CEACAM19: variants seen among roughly 807,000 people sequenced by gnomAD.
The protein encoded by CEACAM19 is cell adhesion molecule CEACAM19.
CEACAM19 carries 37 observed loss-of-function variants against 37.6 expected under a neutral mutation model. The observed-to-expected ratio is 0.98, with a 90% CI of 0.76 to 1.29. The LOEUF (loss-of-function observed/expected upper bound fraction) is 1.29. Among genes scored for constraint, CEACAM19 ranks in the 50% most tolerant of loss-of-function variants. The pLI, the probability that CEACAM19 is intolerant of heterozygous loss-of-function variation, is 0.00. For synonymous variants in CEACAM19, 140 were observed against 149.8 expected (o/e 0.93, Z 0.48); for missense variants, 340 against 375.6 (o/e 0.91, Z 0.78).
At chr19:44,679,403 G>A (rs566744929) in intron 4 of CEACAM19, among the ~76,000 whole-genome samples, 8 of 152,252 alleles carry the variant, frequency 5.3e-5, no homozygotes, top group Admixed American at 4.6e-4. Context: ...TCAGGAGTTC[G>A]AGACCAACCT....
upstream of CEACAM19, among the ~76,000 whole-genome samples, chr19:44,668,737 T>TATATA (rs776285443): frequency 4.1e-4 from 30 of 73,210 alleles, 1 homozygote; most frequent in East Asian, 2.8e-3. Context: ...ATAAATATAA[T>TATATA]ATATAATATA....
Position 44,672,720 on chromosome 19 carries a change from C to G in CEACAM19, c.180C>G (p.Phe60Leu), listed in dbSNP as rs780842430. 10 of 1,583,856 alleles carry G rather than the reference C, an allele frequency of 6.3e-6. No individual in the cohort carries two copies. Among genetic ancestry groups the G allele is most frequent in the Middle Eastern group, 1.7e-4 (1 of 5,992 alleles). Residue 60 changes from phenylalanine to leucine, a missense_variant, in exon 2 of 8, where the codon TTC (phenylalanine) becomes TTG (leucine). Phe to Leu is a conservative substitution (Grantham distance 22). Transcript: ENST00000358777. ...LLSVQGVPDT[F>L]QDFNWYLGEE... ...CAGTCCAGGGTGTCCCAGACACCTT[C>G]CAGGACTTCAACTGGTACCTGGGGG...
At position 44,671,629 on chromosome 19, in the gene CEACAM19, T is replaced by C. The variant is rs1973855933; in HGVS notation, c.-303T>C. ...TTATGACTATTGCTACAGTGACTGC[T>C]GTTGTAGTCACGCTGAGTGAGAAAA... On this transcript the variant is annotated 5_prime_UTR_variant, in exon 1 of 8. Coordinates refer to ENST00000358777, the MANE Select transcript of CEACAM19 (RefSeq NM_001127893.3). 1.3e-5 allele frequency: 6 copies of C among 458,430 alleles called. No individual in the cohort carries two copies. Among genetic ancestry groups the C allele is most frequent in the Non-Finnish European group, 2.3e-5 (6 of 258,454 alleles). The allele number at this position is 458,430 out of a possible 1,614,324, so 28.4% of individuals were successfully genotyped here.
chr19:44,681,084 T>C (rs901724227), intron 5 of CEACAM19, 143 bp from the exon 6 acceptor site: 28 of 639,972 alleles, frequency 4.4e-5, no homozygotes, highest in African/African-American at 9.1e-5. Context: ...TGGTCAGCAC[T>C]GTGTCCCCAG....
Position 44,676,392 on chromosome 19 carries a change from G to A in CEACAM19, c.546G>A (p.Val182=), listed in dbSNP as rs2122136645. 2 of 1,614,074 alleles carry A rather than the reference G, an allele frequency of 1.2e-6. No individual in the cohort carries two copies. Among genetic ancestry groups the A allele is most frequent in the Non-Finnish European group, 1.7e-6 (2 of 1,180,020 alleles). ...TCAGCTGCATTGCCTATCTCCTGGT[G>A]ACAAGGAACTGGAGGGGCCAGAGCC... is the stretch of plus-strand genomic sequence containing the variant. ...LLISCIAYLL[V]TRNWRGQSHR... Residue 182 remains valine, a synonymous_variant, in exon 3 of 8, where the codon GTG becomes GTA. Transcript: ENST00000358777.
Position 44,676,355 on chromosome 19 carries a change from G to A in CEACAM19, c.509G>A (p.Gly170Glu). The change falls in exon 3 of 8, where the codon GGG becomes GAG. Residue 170 changes from glycine to glutamate, a missense_variant. Physicochemically the swap from Gly to Glu is moderately conservative, Grantham distance 98. Transcript: ENST00000358777. ...ACCATCATTGGATCTCTTGCTGCCG[G>A]GGCCCTTCTCATCAGCTGCATTGCC... Reference protein sequence around the residue: ...AATIIGSLAAGALLISCIAYL... With the variant: ...AATIIGSLAAEALLISCIAYL... 6.2e-7 allele frequency: 1 copy of A among 1,614,034 alleles called. No individual in the cohort carries two copies. The highest frequency in any genetic ancestry group is 8.5e-7 in the Non-Finnish European group (1 of 1,180,024).
chr19:44,674,493 T>C (rs1048121532), intron 2 of CEACAM19, among the ~76,000 whole-genome samples: 1 of 152,046 alleles, frequency 6.6e-6, no homozygotes, highest in African/African-American at 2.4e-5. Flanking sequence ...CTCCACCTCC[T>C]GGGCTCAAGC....
At position 44,676,371 on chromosome 19, in the gene CEACAM19, C is replaced by G. The variant is rs1402981606; in HGVS notation, c.525C>G (p.Ser175Arg). Reference protein sequence around the residue: ...GSLAAGALLISCIAYLLVTRN... With the variant: ...GSLAAGALLIRCIAYLLVTRN... ...TTGCTGCCGGGGCCCTTCTCATCAG[C>G]TGCATTGCCTATCTCCTGGTGACAA... The change falls in exon 3 of 8, where the codon AGC (serine) becomes AGG (arginine). Residue 175 changes from serine (S) to arginine (R), a missense_variant. By Grantham distance (110) the Ser-to-Arg change is moderately radical. Coordinates refer to ENST00000358777, the MANE Select transcript of CEACAM19 (RefSeq NM_001127893.3). 6.8e-6 allele frequency: 11 copies of G among 1,614,000 alleles called. No homozygotes were observed. The highest frequency in any genetic ancestry group is 8.5e-6 in the Non-Finnish European group (10 of 1,180,022).
upstream of CEACAM19, among the ~76,000 whole-genome samples, chr19:44,666,585 G>T (rs531966110): frequency 5.3e-5 from 8 of 152,266 alleles, no homozygotes; most frequent in South Asian, 6.2e-4. Context: ...CAAGAGAATC[G>T]CTTGAACCTG....
intron 4 of CEACAM19, 58 bp from the exon 5 acceptor site, chr19:44,680,230 T>C: frequency 7.0e-7 from 1 of 1,435,010 alleles, no homozygotes; most frequent in Non-Finnish European, 9.7e-7. Flanking sequence ...CTTAAGTCTC[T>C]CTCCCCCCGC....
chr19:44,669,223 ATCC>A (rs1973818086), upstream of CEACAM19, among the ~76,000 whole-genome samples: 1 of 152,034 alleles, frequency 6.6e-6, no homozygotes, highest in Admixed American at 6.6e-5. Flanking sequence ...AGGTTCAACA[ATCC>A]TCCTGCCTCA....
Position 44,676,406 on chromosome 19 carries a change from G to C in CEACAM19, c.560G>C (p.Arg187Thr), listed in dbSNP as rs1230525343. The part of the protein sequence containing the change: ...IAYLLVTRNW[R>T]GQSHRLPAPR... Reference sequence around the variant, plus strand: ...TATCTCCTGGTGACAAGGAACTGGAGGGGCCAGAGCCACAGGTACAGGGTC... The same window carrying C: ...TATCTCCTGGTGACAAGGAACTGGACGGGCCAGAGCCACAGGTACAGGGTC... The change falls in exon 3 of 8, where the codon AGG becomes ACG. Residue 187 changes from arginine (R) to threonine (T), a missense_variant. By Grantham distance (71) the Arg-to-Thr change is moderately conservative. Transcript: ENST00000358777. 1 of 1,613,974 alleles carries C rather than the reference G, an allele frequency of 6.2e-7. No homozygotes were observed.
At chr19:44,676,855 A>G (rs1042209362) in intron 3 of CEACAM19, among the ~76,000 whole-genome samples, 1 of 152,032 alleles carries the variant, frequency 6.6e-6, no homozygotes, top group African/African-American at 2.4e-5. Flanking sequence ...GGCTCAAGTG[A>G]TCCTCCAGCT....
upstream of CEACAM19, among the ~76,000 whole-genome samples, chr19:44,669,213 A>G (rs751652093): frequency 9.2e-5 from 14 of 151,946 alleles, no homozygotes; most frequent in Non-Finnish European, 1.5e-4. Context: ...TTGACCTCCC[A>G]GGTTCAACAA....
At position 44,672,837 on chromosome 19, in the gene CEACAM19, C is replaced by G; in HGVS notation, c.297C>G (p.Ile99Met). ...GCAGTGCCATGGGACAGCGAGACAT[C>G]GTGGGCTTCCCCAATGGTTCCATGC... ...RDGSAMGQRD[I>M]VGFPNGSMLL... Residue 99 changes from isoleucine (I) to methionine (M), a missense_variant, in exon 2 of 8, where the codon ATC (isoleucine) becomes ATG (methionine). Physicochemically the swap from Ile to Met is conservative, Grantham distance 10. Transcript: ENST00000358777. 1 of 1,601,372 alleles carries G rather than the reference C, an allele frequency of 6.2e-7. No homozygotes were observed. Among genetic ancestry groups the G allele is most frequent in the Non-Finnish European group, 8.5e-7 (1 of 1,172,974 alleles).
intron 4 of CEACAM19, among the ~76,000 whole-genome samples, chr19:44,679,275 G>T (rs530968828): frequency 1.3e-5 from 2 of 152,274 alleles, no homozygotes; most frequent in East Asian, 3.9e-4. Context: ...GTATAGTCAT[G>T]AGCCATTTCA....
chr19:44,681,609 T>C (rs1974061181), intron 6 of CEACAM19, among the ~76,000 whole-genome samples: 3 of 152,092 alleles, frequency 2.0e-5, no homozygotes, highest in Admixed American at 6.6e-5. Flanking sequence ...GGAGGTTTTA[T>C]ATATATATAA....
At chr19:44,672,420 T>C (rs896265278) in intron 1 of CEACAM19, 176 bp from the exon 2 acceptor site, 1 of 638,896 alleles carries the variant, frequency 1.6e-6, no homozygotes, top group African/African-American at 1.9e-5. Flanking sequence ...GTGGTAACCA[T>C]GCCTGTGTTC....
Position 44,683,490 on chromosome 19 carries a change from A to G in CEACAM19, c.900A>G (p.Ter300TrpextTer23). 1 of 1,558,850 alleles carries G rather than the reference A, an allele frequency of 6.4e-7. No homozygotes were observed. Among genetic ancestry groups the G allele is most frequent in the Non-Finnish European group, 8.7e-7 (1 of 1,149,540 alleles). The change falls in exon 8 of 8, where the codon TGA becomes TGG. Residue 300 changes from the stop codon to tryptophan (W), a stop_lost. Transcript: ENST00000358777. ...APYCQLVPTS[*>W] ...ACTGCCAGCTGGTGCCAACTTCCTGATGGGTCCTGGGCCAGGCCAGCCAGG... is the reference window on the plus strand; with the variant it reads ...ACTGCCAGCTGGTGCCAACTTCCTGGTGGGTCCTGGGCCAGGCCAGCCAGG...
Sources: gnomAD v4.1 joint callset for allele counts (sites outside exome capture counted in the v4.1 genomes callset) on GRCh38, gnomAD v4.1.1 for gene constraint, MANE v1.5 for transcripts, NCBI Gene and HGNC (gene_info 2026-07-23, HGNC 2026-07-21) for gene names.